The following KY variants were observed in gnomAD, a reference collection of about 807,000 sequenced individuals.
KY encodes the protein kyphoscoliosis peptidase.
A neutral mutation model predicts 76.1 loss-of-function variants in KY; 43 were observed. That is an observed-to-expected ratio of 0.57 (90% CI 0.44 to 0.73). The LOEUF (loss-of-function observed/expected upper bound fraction) is 0.73. Among genes scored for constraint, KY ranks in the 30% least tolerant of loss-of-function variants. KY has a pLI of 0.00. For missense variants in KY, 722 were observed against 828.9 expected (o/e 0.87, Z 1.58); for synonymous variants, 277 against 326.2 (o/e 0.85, Z 1.63).
chr3:134,631,380 A>G (rs1394938737), intron 3 of KY, among the ~76,000 whole-genome samples: 1 of 152,220 alleles, frequency 6.6e-6, no homozygotes, highest in Non-Finnish European at 1.5e-5. Context: ...TCCAAAAGAA[A>G]TGCTAACGGA....
intron 9 of KY, among the ~76,000 whole-genome samples, chr3:134,609,900 C>G (rs1330166567): frequency 6.6e-6 from 1 of 152,256 alleles, no homozygotes; most frequent in African/African-American, 2.4e-5. Flanking sequence ...ATTAGCCCAC[C>G]TTTCCTCATG....
chr3:134,607,831 G>C, intron 10 of KY: 1 of 987,638 alleles, frequency 1.0e-6, no homozygotes, highest in Non-Finnish European at 1.2e-6. Flanking sequence ...GGCTGGAAAC[G>C]GCTGGGTCCC....
At chr3:134,626,014 A>AC (rs1963393037) in intron 5 of KY, among the ~76,000 whole-genome samples, 1 of 152,242 alleles carries the variant, frequency 6.6e-6, no homozygotes, top group Non-Finnish European at 1.5e-5. Context: ...CAATGGTTAG[A>AC]CCAACAGGTG....
intron 6 of KY, among the ~76,000 whole-genome samples, chr3:134,621,255 A>G (rs1962567011): frequency 6.6e-6 from 1 of 152,234 alleles, no homozygotes; most frequent in African/African-American, 2.4e-5. Context: ...AGGGGCTCCA[A>G]GCAGCCAAAA....
intron 2 of KY, among the ~76,000 whole-genome samples, chr3:134,646,615 TG>T (rs1376685533): frequency 6.6e-6 from 1 of 152,166 alleles, no homozygotes; most frequent in African/African-American, 2.4e-5. Context: ...GTCAGAAGGA[TG>T]GTAGAACATA....
intron 8 of KY, chr3:134,610,645 C>G: frequency 2.4e-6 from 1 of 415,110 alleles, no homozygotes; most frequent in Non-Finnish European, 4.3e-6. Context: ...GAGACCAACA[C>G]CATTCAGATC....
chr3:134,637,774 T>C (rs1054646233), intron 3 of KY, among the ~76,000 whole-genome samples: 1 of 152,218 alleles, frequency 6.6e-6, no homozygotes, highest in African/African-American at 2.4e-5. Context: ...CCCTGAGCCA[T>C]GTCTCTATGG....
chr3:134,631,540 T>G (rs77959789), intron 3 of KY, among the ~76,000 whole-genome samples: 1 of 94,164 alleles, frequency 1.1e-5, no homozygotes, highest in Non-Finnish European at 2.4e-5. Flanking sequence ...TAACATCTGA[T>G]AGGTTTTTGA....
At chr3:134,648,952 A>T (rs1169024586) in intron 1 of KY, among the ~76,000 whole-genome samples, 1 of 152,152 alleles carries the variant, frequency 6.6e-6, no homozygotes, top group Non-Finnish European at 1.5e-5. Flanking sequence ...TCTTGCACCC[A>T]TGGGAGGCTT....
intron 8 of KY, among the ~76,000 whole-genome samples, chr3:134,618,088 T>C (rs1961902786): frequency 6.6e-6 from 1 of 152,008 alleles, no homozygotes; most frequent in South Asian, 2.1e-4. Context: ...TCTCAGGGAT[T>C]GGCCTTGAAA....
chr3:134,647,483 C>T lies in KY; in HGVS notation c.151G>A (p.Gly51Arg), dbSNP rs765366783. The change falls in exon 2 of 11, where the codon GGA (glycine) becomes AGA (arginine). Residue 51 changes from glycine to arginine, a missense_variant. Gly to Arg is a moderately radical substitution (Grantham distance 125, BLOSUM62 -2). Around this residue, in one of 2 missense-constraint regions of KY, gnomAD observed 170 missense variants for 148.1 expected, o/e 1.15. Transcript: ENST00000423778. ...LQRGGGFQGV[G>R]NGVRRWQKLE... is the part of the protein sequence containing the mutation. Reference sequence around the variant, plus strand: ...TTCTGCCATCTTCGGACTCCATTTCCAACACCTTGGAATCCTGCAAAATAA... The same window carrying T: ...TTCTGCCATCTTCGGACTCCATTTCTAACACCTTGGAATCCTGCAAAATAA... The T allele has an allele frequency of 3.2e-5, 51 of 1,610,762 alleles. No individual in the cohort carries two copies. The East Asian group carries it at 1.1e-3, about 35-fold the overall frequency.
intron 3 of KY, among the ~76,000 whole-genome samples, chr3:134,638,561 G>C (rs183090033): frequency 6.6e-6 from 1 of 152,184 alleles, no homozygotes; most frequent in Admixed American, 6.5e-5. Context: ...GACCGTCTTA[G>C]TTAAGAGCAT....
chr3:134,650,122 C>T (rs575419583), intron 1 of KY, among the ~76,000 whole-genome samples: 2 of 152,270 alleles, frequency 1.3e-5, no homozygotes, highest in East Asian at 1.9e-4. Context: ...CAGAGAGGCC[C>T]GGATCCTGCT....
chr3:134,607,273 G>A (rs1000558167), intron 10 of KY: 56 of 985,404 alleles, frequency 5.7e-5, no homozygotes, highest in Non-Finnish European at 6.7e-5. Context: ...AGTTGGAAGA[G>A]TTTGCAAGAG....
chr3:134,633,835 G>A (rs578082795), intron 3 of KY, among the ~76,000 whole-genome samples: 1 of 152,226 alleles, frequency 6.6e-6, no homozygotes, highest in African/African-American at 2.4e-5. Flanking sequence ...CAGTTGATAT[G>A]TCTGTCTACA....
At chr3:134,631,985 A>G (rs1001669094) in intron 3 of KY, among the ~76,000 whole-genome samples, 1 of 152,132 alleles carries the variant, frequency 6.6e-6, no homozygotes, top group Admixed American at 6.5e-5. Context: ...TGAAAAGATA[A>G]CAGAAAGCTG....
intron 10 of KY, among the ~76,000 whole-genome samples, chr3:134,605,336 C>G (rs1959173537): frequency 6.6e-6 from 1 of 152,168 alleles, no homozygotes; most frequent in South Asian, 2.1e-4. Flanking sequence ...CCAGCCCCAG[C>G]AACCTCCCCA....
rs1964257034 is a variant in KY at position 134,631,668 on chromosome 3, T to C, written c.263-1973A>G. 2.0e-5 allele frequency among the ~76,000 whole-genome samples: 3 copies of C among 152,102 alleles called. No individual in the cohort carries two copies. The South Asian group carries it at 6.2e-4, about 31-fold the overall frequency. ...TGTTAATATTCATTGTAATAGATTATGAAAAGTTAAGTACATATAATACAT... is the reference window on the plus strand; with the variant it reads ...TGTTAATATTCATTGTAATAGATTACGAAAAGTTAAGTACATATAATACAT... On this transcript the variant is annotated intron_variant, in intron 3 of 10. Transcript: ENST00000423778.
chr3:134,602,300 A>G lies in KY; in HGVS notation c.*1279T>C, dbSNP rs1959004367. On this transcript the variant is annotated 3_prime_UTR_variant, in exon 11 of 11. Coordinates refer to ENST00000423778, the MANE Select transcript of KY (RefSeq NM_178554.6). Reference sequence around the variant, plus strand: ...CAGCCTTTCCTCCGTTGCCATGGCAACGGCAGCCTGAGGCGCTGCTGAGGG... The same window carrying G: ...CAGCCTTTCCTCCGTTGCCATGGCAGCGGCAGCCTGAGGCGCTGCTGAGGG... 6.6e-6 allele frequency among the ~76,000 whole-genome samples: 1 copy of G among 152,018 alleles called. No homozygotes were observed. The highest frequency in any genetic ancestry group is 2.4e-5 in the African/African-American group (1 of 41,394).
Sources: allele counts gnomAD v4.1 joint callset (sites outside exome capture counted in the v4.1 genomes callset), GRCh38; gene constraint gnomAD v4.1.1; regional missense constraint gnomAD v4.1.1; transcripts MANE v1.5; gene names NCBI Gene and HGNC (gene_info 2026-07-23, HGNC 2026-07-21).